The following LRRC20 variants were observed in gnomAD, a reference collection of about 807,000 sequenced individuals.
LRRC20 encodes leucine rich repeat containing 20.
LRRC20 carries 11 observed loss-of-function variants against 14.4 expected under a neutral mutation model. The ratio of observed to expected loss-of-function variants is 0.77; its 90% CI spans 0.48 to 1.27. LRRC20 has a LOEUF of 1.27. Among genes scored for constraint, LRRC20 ranks in the 50% most tolerant of loss-of-function variants. The pLI, the probability that LRRC20 is intolerant of heterozygous loss-of-function variation, is 0.00. For synonymous variants in LRRC20, 121 were observed against 107.3 expected, an observed-to-expected ratio of 1.13 and a Z score of -0.79; for missense variants, 219 against 251.2, an observed-to-expected ratio of 0.87 and a Z score of 0.87.
intron 4 of LRRC20, among the ~76,000 whole-genome samples, chr10:70,311,221 C>CTTTTTTTTTTTTTTT (rs1491407192): frequency 8.3e-6 from 1 of 120,638 alleles, no homozygotes; most frequent in Non-Finnish European, 1.7e-5. Flanking sequence ...TTCAACATTC[C>CTTTTTTTTTTTTTTT]ATTTTTTTTT....
In LRRC20 at chr10:70,301,323, C is replaced by T. The variant is rs10740336; in HGVS notation, c.*31G>A. ...CAGGGTTCCAGGCCTGTGGCCTCTG[C>T]CCCTTGCTGGGTGGGCATGAGGAGG... On this transcript the variant is annotated 3_prime_UTR_variant, in exon 5 of 5. Transcript: ENST00000446961. 1,595,517 of 1,602,300 alleles carry T rather than the reference C, an allele frequency of 1. 794,548 individuals carry two copies. The highest frequency in any genetic ancestry group is 1 in the East Asian group (44,778 of 44,778).
intron 4 of LRRC20, 96 bp from the exon 5 acceptor site, chr10:70,301,604 A>G: frequency 6.9e-7 from 1 of 1,449,322 alleles, no homozygotes; most frequent in South Asian, 1.3e-5. Context: ...CCTGATGGTG[A>G]GGGGCAGCTC....
chr10:70,334,486 C>T (rs896832131), intron 3 of LRRC20, among the ~76,000 whole-genome samples: 2 of 152,276 alleles, frequency 1.3e-5, no homozygotes, highest in Admixed American at 6.5e-5. Flanking sequence ...CCTCCCTTCC[C>T]AGAACTCCAG....
intron 2 of LRRC20, among the ~76,000 whole-genome samples, chr10:70,376,191 G>A (rs1447219698): frequency 6.6e-6 from 1 of 152,080 alleles, no homozygotes; most frequent in Non-Finnish European, 1.5e-5. Flanking sequence ...CTGGTCCAAG[G>A]GCACACACAC....
chr10:70,300,000 G>T lies in LRRC20; in HGVS notation c.*1354C>A, dbSNP rs959621919. 2 of 152,210 alleles carry T rather than the reference G, an allele frequency of 1.3e-5. No homozygotes were observed. Among genetic ancestry groups the T allele is most frequent in the Non-Finnish European group, 2.9e-5 (2 of 68,068 alleles). The allele number at this position is 152,210 out of a possible 1,614,324, so 9.4% of individuals were successfully genotyped here. A position where few individuals can be genotyped will look rare whatever the true frequency, so the allele number is the denominator to read the frequency against. On this transcript the variant is annotated 3_prime_UTR_variant, in exon 5 of 5. Transcript: ENST00000446961. Reference sequence around the variant, plus strand: ...TGAGCTCTCAACATCTTAGCCTTAGGAGTAGTAAAGTGGCCACTCGTCCAC... The same window carrying T: ...TGAGCTCTCAACATCTTAGCCTTAGTAGTAGTAAAGTGGCCACTCGTCCAC...
At chr10:70,306,106 C>CTG (rs777792686) in intron 4 of LRRC20, among the ~76,000 whole-genome samples, 19 of 52,920 alleles carry the variant, frequency 3.6e-4, no homozygotes, top group Non-Finnish European at 1.6e-4. Context: ...TTTTCTGTCT[C>CTG]TCTCTCTCTC....
intron 2 of LRRC20, among the ~76,000 whole-genome samples, chr10:70,350,402 A>G (rs1843256037): frequency 6.6e-6 from 1 of 152,250 alleles, no homozygotes; most frequent in African/African-American, 2.4e-5. Flanking sequence ...AGTTTTTTGC[A>G]TTAATAAAGA....
chr10:70,343,381 A>G (rs892004836), intron 2 of LRRC20, among the ~76,000 whole-genome samples: 3 of 152,200 alleles, frequency 2.0e-5, no homozygotes, highest in Non-Finnish European at 4.4e-5. Context: ...GGGCAAAAGT[A>G]CAGATGACTG....
At chr10:70,311,758 C>A (rs7071773) in intron 4 of LRRC20, among the ~76,000 whole-genome samples, 37,844 of 151,976 alleles carry the variant, frequency 0.25, 5,692 homozygotes, top group Non-Finnish European at 0.33. Flanking sequence ...TGGCCTATGG[C>A]AAGGCAAAAA....
chr10:70,302,051 C>T (rs1384967101), intron 4 of LRRC20, among the ~76,000 whole-genome samples: 3 of 152,154 alleles, frequency 2.0e-5, no homozygotes, highest in African/African-American at 7.2e-5. Context: ...TGGTGGCTCA[C>T]GCCTGTAATC....
At chr10:70,361,255 C>T (rs542480579) in intron 2 of LRRC20, among the ~76,000 whole-genome samples, 78 of 152,308 alleles carry the variant, frequency 5.1e-4, no homozygotes, top group African/African-American at 1.8e-3. Flanking sequence ...ATCAGATGCA[C>T]TCACTCATCA....
chr10:70,370,586 A>G (rs977533408), intron 2 of LRRC20, among the ~76,000 whole-genome samples: 1 of 152,100 alleles, frequency 6.6e-6, no homozygotes, highest in Non-Finnish European at 1.5e-5. Context: ...AAGTACAAAA[A>G]TTAAAAATTA....
chr10:70,354,450 C>A (rs957972501), intron 2 of LRRC20, among the ~76,000 whole-genome samples: 1 of 152,194 alleles, frequency 6.6e-6, no homozygotes, highest in East Asian at 1.9e-4. Context: ...AGGGCATCAG[C>A]ATCACCCACA....
chr10:70,316,424 C>T (rs183620419), intron 4 of LRRC20, among the ~76,000 whole-genome samples: 132 of 152,346 alleles, frequency 8.7e-4, no homozygotes, highest in Non-Finnish European at 1.2e-3. Flanking sequence ...TGAGCCACCG[C>T]GCCCGGCCCT....
intron 4 of LRRC20, among the ~76,000 whole-genome samples, chr10:70,304,470 T>TTATCTATATCTATATATA (rs1293891046): frequency 5.3e-5 from 6 of 113,824 alleles, no homozygotes; most frequent in African/African-American, 1.8e-4. Context: ...GGCCACTTCT[T>TTATCTATATCTATATATA]TATATATATA....
At chr10:70,365,388 T>C (rs1483134698) in intron 2 of LRRC20, among the ~76,000 whole-genome samples, 2 of 152,142 alleles carry the variant, frequency 1.3e-5, no homozygotes, top group Non-Finnish European at 2.9e-5. Flanking sequence ...TAGAATAGGG[T>C]CCGTGGATCT....
chr10:70,352,805 C>CAGTTCA, intron 2 of LRRC20, among the ~76,000 whole-genome samples: 1 of 152,130 alleles, frequency 6.6e-6, no homozygotes, highest in Admixed American at 6.5e-5. Flanking sequence ...TTTAAATGTA[C>CAGTTCA]AGTTCAGTAG....
chr10:70,303,200 CAA>C (rs988137256), intron 4 of LRRC20, among the ~76,000 whole-genome samples: 1 of 151,986 alleles, frequency 6.6e-6, no homozygotes, highest in African/African-American at 2.4e-5. Flanking sequence ...ATATTTTTGC[CAA>C]GAGAGAGGAA....
chr10:70,317,975 G>A (rs1267030543), intron 4 of LRRC20, among the ~76,000 whole-genome samples: 3 of 152,218 alleles, frequency 2.0e-5, no homozygotes, highest in East Asian at 3.8e-4. Flanking sequence ...TGGGTCTAAC[G>A]GATGGGCAGC....
Sources: allele counts gnomAD v4.1 joint callset (sites outside exome capture counted in the v4.1 genomes callset), GRCh38; gene constraint gnomAD v4.1.1; transcripts MANE v1.5; gene names NCBI Gene and HGNC (gene_info 2026-07-23, HGNC 2026-07-21).